The following MYO5A variants were observed in gnomAD, a reference collection of about 807,000 sequenced individuals.
The protein encoded by MYO5A is myosin VA, also known as unconventional myosin-Va.
In MYO5A, 98 loss-of-function variants were observed where a neutral mutation model predicts 249.7. The observed-to-expected ratio is 0.39, with a 90% CI of 0.33 to 0.46. MYO5A has a LOEUF of 0.46. Ranked by LOEUF, MYO5A falls within the 20% of genes least tolerant of loss-of-function variation. The pLI is 0.98. For synonymous variants in MYO5A, 778 were observed against 810.6 expected, an observed-to-expected ratio of 0.96 and a Z score of 0.68; for missense variants, 1,696 against 2,308.8, an observed-to-expected ratio of 0.73 and a Z score of 5.44.
At chr15:52,397,746 A>T (rs1010677281) in intron 9 of MYO5A, among the ~76,000 whole-genome samples, 5 of 152,300 alleles carry the variant, frequency 3.3e-5, no homozygotes, top group Middle Eastern at 3.4e-3. Flanking sequence ...ATCTTCATTC[A>T]TTCAGTCAAA....
intron 1 of MYO5A, among the ~76,000 whole-genome samples, chr15:52,451,687 G>C (rs1245460914): frequency 6.6e-6 from 1 of 152,088 alleles, no homozygotes; most frequent in Non-Finnish European, 1.5e-5. Context: ...GCTAGATCAA[G>C]CCTCGAGATT....
chr15:52,463,141 C>T (rs1238560407), intron 1 of MYO5A, among the ~76,000 whole-genome samples: 1 of 152,166 alleles, frequency 6.6e-6, no homozygotes, highest in Non-Finnish European at 1.5e-5. Flanking sequence ...GGTACTCCAA[C>T]TGTATACGCT....
At chr15:52,445,636 T>C (rs1367762002) in intron 1 of MYO5A, among the ~76,000 whole-genome samples, 3 of 152,142 alleles carry the variant, frequency 2.0e-5, no homozygotes, top group Admixed American at 6.5e-5. Flanking sequence ...ACTGGTTAAA[T>C]GGTTGTGACC....
At chr15:52,487,637 T>C (rs1405904663) in intron 1 of MYO5A, among the ~76,000 whole-genome samples, 2 of 148,788 alleles carry the variant, frequency 1.3e-5, no homozygotes, top group African/African-American at 5.0e-5. Context: ...GGCAGGAGAA[T>C]CACTGGAACC....
At chr15:52,478,911 T>C (rs545528894) in intron 1 of MYO5A, among the ~76,000 whole-genome samples, 1 of 152,316 alleles carries the variant, frequency 6.6e-6, no homozygotes, top group Admixed American at 6.5e-5. Context: ...TAATTTTGTG[T>C]GGTTATGTCT....
At chr15:52,446,873 C>G (rs1192328580) in intron 1 of MYO5A, among the ~76,000 whole-genome samples, 1 of 152,154 alleles carries the variant, frequency 6.6e-6, no homozygotes, top group East Asian at 1.9e-4. Context: ...GCCAATTTCT[C>G]CCTTTTGGAA....
chr15:52,396,656 C>T (rs1415658750), intron 10 of MYO5A, among the ~76,000 whole-genome samples: 3 of 151,912 alleles, frequency 2.0e-5, no homozygotes, highest in Non-Finnish European at 1.5e-5. Flanking sequence ...GTGTTCAACA[C>T]TATGAGTTTT....
chr15:52,470,028 C>A (rs2076427373), intron 1 of MYO5A, among the ~76,000 whole-genome samples: 1 of 152,200 alleles, frequency 6.6e-6, no homozygotes, highest in Admixed American at 6.5e-5. Flanking sequence ...TTCACAACAT[C>A]TGGACGATTT....
chr15:52,489,459 G>C (rs2076891321), intron 1 of MYO5A, among the ~76,000 whole-genome samples: 1 of 152,024 alleles, frequency 6.6e-6, no homozygotes, highest in South Asian at 2.1e-4. Context: ...AGCTACTCGG[G>C]AGGCGGAGGC....
chr15:52,361,900 A>G (rs1337792421), intron 24 of MYO5A, among the ~76,000 whole-genome samples: 1 of 152,074 alleles, frequency 6.6e-6, no homozygotes, highest in African/African-American at 2.4e-5. Context: ...TTTCCAGAAC[A>G]TGTTTTATCC....
At chr15:52,428,133 T>C (rs1448122497) in intron 3 of MYO5A, among the ~76,000 whole-genome samples, 1 of 152,230 alleles carries the variant, frequency 6.6e-6, no homozygotes, top group East Asian at 1.9e-4. Flanking sequence ...AATTTGGCAC[T>C]AAATCTGACA....
Position 52,372,151 on chromosome 15 carries a change from C to T in MYO5A, c.2790G>A (p.Met930Ile). ...GCTCATCAACTTTGCGCTGCAGCTGCATGATCTTGTTCTCCATGCCGATGT... is the reference window on the plus strand; with the variant it reads ...GCTCATCAACTTTGCGCTGCAGCTGTATGATCTTGTTCTCCATGCCGATGT... The part of the protein sequence containing the change: ...KLHIGMENKI[M>I]QLQRKVDEQN... The change falls in exon 21 of 42, where the codon ATG (methionine) becomes ATA (isoleucine). Residue 930 changes from methionine to isoleucine, a missense_variant. Met to Ile is a conservative substitution (Grantham distance 10). Transcript: ENST00000399233. 1 of 1,613,744 alleles carries T rather than the reference C, an allele frequency of 6.2e-7. No individual in the cohort carries two copies. The highest frequency in any genetic ancestry group is 8.5e-7 in the Non-Finnish European group (1 of 1,180,022).
chr15:52,414,208 A>G (rs1320928481), intron 5 of MYO5A, among the ~76,000 whole-genome samples: 3 of 152,232 alleles, frequency 2.0e-5, no homozygotes, highest in Non-Finnish European at 4.4e-5. Context: ...GTGTGTGTCC[A>G]CTTGCCCTGT....
upstream of MYO5A, chr15:52,528,911 A>G (rs2077775326): frequency 7.9e-6 from 8 of 1,012,044 alleles, no homozygotes; most frequent in Non-Finnish European, 2.5e-6. Flanking sequence ...GGCAGGGAGC[A>G]GGGCAGGGCA....
intron 1 of MYO5A, among the ~76,000 whole-genome samples, chr15:52,449,792 G>C (rs1418526281): frequency 1.3e-5 from 2 of 152,180 alleles, no homozygotes. Context: ...TTGAGTCCAG[G>C]AGTTCAAGAT....
At chr15:52,473,285 T>C (rs2076516576) in intron 1 of MYO5A, among the ~76,000 whole-genome samples, 1 of 152,270 alleles carries the variant, frequency 6.6e-6, no homozygotes, top group Non-Finnish European at 1.5e-5. Context: ...TTGTAGATTC[T>C]GGATATTGGC....
intron 1 of MYO5A, among the ~76,000 whole-genome samples, chr15:52,502,558 A>T (rs2077181372): frequency 6.6e-6 from 1 of 152,242 alleles, no homozygotes; most frequent in African/African-American, 2.4e-5. Flanking sequence ...ATAACCTCTG[A>T]CCATACCACA....
At chr15:52,365,706 G>T (rs2040772617) in intron 23 of MYO5A, among the ~76,000 whole-genome samples, 1 of 152,174 alleles carries the variant, frequency 6.6e-6, no homozygotes, top group African/African-American at 2.4e-5. Context: ...ATTTGTAAAT[G>T]AATGAATGAA....
At position 52,519,118 on chromosome 15, in the gene MYO5A, G is replaced by A. The variant is rs8040314; in HGVS notation, c.27+9662C>T. On this transcript the variant is annotated intron_variant, in intron 1 of 41. Transcript: ENST00000399233. ...CCACTAGACATGAACAAGGAATGAC[G>A]GACAGGCAAAAAGAAATTGTGCACA... is the stretch of plus-strand genomic sequence containing the variant. Among the ~76,000 whole-genome samples, 647 of 152,142 alleles carry A rather than the reference G, an allele frequency of 4.3e-3. 9 individuals carry two copies. Among genetic ancestry groups the A allele is most frequent in the African/African-American group, 0.015 (624 of 41,494 alleles).
Sources: gnomAD v4.1 joint callset for allele counts (sites outside exome capture counted in the v4.1 genomes callset) on GRCh38, gnomAD v4.1.1 for gene constraint, MANE v1.5 for transcripts, NCBI Gene and HGNC (gene_info 2026-07-23, HGNC 2026-07-21) for gene names.